CREB5: variants seen among roughly 807,000 people sequenced by gnomAD.
CREB5 encodes cAMP responsive element binding protein 5.
Under a neutral mutation model 57.1 loss-of-function variants are expected in CREB5, and 19 were observed. That is an observed-to-expected ratio of 0.33 (90% confidence interval 0.23 to 0.49). The LOEUF is 0.49. CREB5 is among the 20% of genes least tolerant of loss of function. The probability of loss-of-function intolerance (pLI) is 0.99; values close to 1 mark genes in which losing one functional copy is unlikely to be tolerated. For synonymous variants in CREB5, 238 were observed against 238.3 expected (o/e 1.00, Z 0.01); for missense variants, 579 against 671.6 (o/e 0.86, Z 1.52).
intron 1 of CREB5, among the ~76,000 whole-genome samples, chr7:28,422,466 T>C (rs765763776): frequency 5.3e-5 from 8 of 152,170 alleles, no homozygotes; most frequent in Non-Finnish European, 1.2e-4. Flanking sequence ...TTTTGGATTA[T>C]GAACACTTTA....
chr7:28,641,518 A>T (rs1798658447), intron 5 of CREB5, among the ~76,000 whole-genome samples: 1 of 152,106 alleles, frequency 6.6e-6, no homozygotes, highest in Non-Finnish European at 1.5e-5. Context: ...CTTCCAGGGT[A>T]TACTTGTTCC....
chr7:28,460,790 G>A (rs1045598339), intron 1 of CREB5, among the ~76,000 whole-genome samples: 6 of 152,086 alleles, frequency 3.9e-5, no homozygotes, highest in South Asian at 4.2e-4. Flanking sequence ...GTGAGGTGTC[G>A]GGGAGTTGTC....
intron 4 of CREB5, among the ~76,000 whole-genome samples, chr7:28,569,733 T>C (rs766128790): frequency 6.6e-6 from 1 of 152,284 alleles, no homozygotes; most frequent in African/African-American, 2.4e-5. Context: ...ACTCCATGCA[T>C]TGTGAGAGAT....
intron 5 of CREB5, among the ~76,000 whole-genome samples, chr7:28,640,911 G>A (rs931898259): frequency 1.3e-5 from 2 of 152,164 alleles, no homozygotes; most frequent in African/African-American, 4.8e-5. Context: ...TTTTCCCTGA[G>A]AGCCAGTGCT....
chr7:28,725,655 A>G (rs10229384), intron 7 of CREB5, among the ~76,000 whole-genome samples: 5,163 of 151,440 alleles, frequency 0.034, 124 homozygotes, highest in Non-Finnish European at 0.052. Context: ...TAAAAAAAAA[A>G]AAAAAAAGAA....
intron 4 of CREB5, among the ~76,000 whole-genome samples, chr7:28,550,717 T>C (rs768924459): frequency 2.0e-5 from 3 of 152,208 alleles, no homozygotes; most frequent in Non-Finnish European, 1.5e-5. Context: ...GTGAAGCCAA[T>C]GAGGTAATTT....
At chr7:28,668,550 CA>C (rs1480070415) in intron 5 of CREB5, among the ~76,000 whole-genome samples, 1 of 151,884 alleles carries the variant, frequency 6.6e-6, no homozygotes, top group Non-Finnish European at 1.5e-5. Context: ...TATGTTACAA[CA>C]AAAAATACTG....
intron 1 of CREB5, among the ~76,000 whole-genome samples, chr7:28,421,769 C>CTATATATATATA (rs151244858): frequency 1.7e-4 from 17 of 98,374 alleles, no homozygotes; most frequent in African/African-American, 4.3e-4. Flanking sequence ...TACACACACA[C>CTATATATATATA]TATATATATA....
chr7:28,822,289 G>A lies in CREB5; in HGVS notation c.*3010G>A, dbSNP rs1270065883. On this transcript the variant is annotated 3_prime_UTR_variant, in exon 11 of 11. Transcript: ENST00000357727. ...GAAATTCCAAACAGAAAGATACATT[G>A]GTCAAATCCAACACTTGGCTTATCA... The A allele has an allele frequency of 1.3e-5, 2 of 152,210 alleles. No homozygotes were observed. Among genetic ancestry groups the A allele is most frequent in the African/African-American group, 4.8e-5 (2 of 41,414 alleles). 9.4% of individuals were successfully genotyped at this position (152,210 alleles called of 1,614,324 possible). A position where few individuals can be genotyped will look rare whatever the true frequency, so the allele number is the denominator to read the frequency against.
chr7:28,401,510 C>T (rs1787463441), intron 1 of CREB5, among the ~76,000 whole-genome samples: 1 of 151,958 alleles, frequency 6.6e-6, no homozygotes, highest in South Asian at 2.1e-4. Flanking sequence ...GTGTGCTGCA[C>T]CCATTAACTC....
upstream of CREB5, among the ~76,000 whole-genome samples, chr7:28,411,373 T>TC (rs1787792167): frequency 6.6e-6 from 1 of 152,150 alleles, no homozygotes; most frequent in African/African-American, 2.4e-5. Flanking sequence ...AACCTAAACT[T>TC]CCATACAATA....
At chr7:28,683,241 T>C (rs1331807876) in intron 5 of CREB5, among the ~76,000 whole-genome samples, 2 of 152,156 alleles carry the variant, frequency 1.3e-5, no homozygotes, top group South Asian at 2.1e-4. Flanking sequence ...GAGGGGCATT[T>C]CTTTTTGGGA....
chr7:28,670,720 A>C (rs914185829), intron 5 of CREB5, among the ~76,000 whole-genome samples: 11 of 152,258 alleles, frequency 7.2e-5, no homozygotes, highest in African/African-American at 2.4e-4. Context: ...ACAAGTCAAA[A>C]CAAAGAAGTT....
chr7:28,471,024 A>G (rs1287165788), intron 1 of CREB5, among the ~76,000 whole-genome samples: 1 of 151,896 alleles, frequency 6.6e-6, no homozygotes, highest in Non-Finnish European at 1.5e-5. Context: ...CTATCCTTGG[A>G]TTGTCTTTTC....
chr7:28,412,801 C>T lies in CREB5; in HGVS notation c.-114C>T. 2 of 986,214 alleles carry T rather than the reference C, an allele frequency of 2.0e-6. No individual in the cohort carries two copies. Among genetic ancestry groups the T allele is most frequent in the East Asian group, 2.6e-5 (1 of 38,540 alleles). 61.1% of individuals were successfully genotyped at this position (986,214 alleles called of 1,614,324 possible). On this transcript the variant is annotated 5_prime_UTR_variant, in exon 1 of 11. Transcript: ENST00000357727. ...GAAATACTGAGGCAAATACTCAAGA[C>T]TTATTTTCTTCCTAATCTTGCTGGT...
At chr7:28,469,616 A>G (rs1217958207) in intron 1 of CREB5, among the ~76,000 whole-genome samples, 8 of 152,218 alleles carry the variant, frequency 5.3e-5, no homozygotes, top group Admixed American at 2.0e-4. Flanking sequence ...CCATATTTAC[A>G]TGATTATAGA....
At chr7:28,478,466 A>T (rs958503725) in intron 1 of CREB5, among the ~76,000 whole-genome samples, 5 of 152,168 alleles carry the variant, frequency 3.3e-5, no homozygotes, top group Non-Finnish European at 7.3e-5. Flanking sequence ...TCTTACTGAG[A>T]AGCTGGTTAA....
At chr7:28,702,027 A>G (rs561357748) in intron 5 of CREB5, among the ~76,000 whole-genome samples, 1 of 152,348 alleles carries the variant, frequency 6.6e-6, no homozygotes, top group African/African-American at 2.4e-5. Context: ...CATATTAAGA[A>G]AATGAATTTT....
intron 1 of CREB5, among the ~76,000 whole-genome samples, chr7:28,477,176 A>G (rs1253706472): frequency 6.6e-6 from 1 of 152,218 alleles, no homozygotes; most frequent in African/African-American, 2.4e-5. Context: ...GTAATCAATC[A>G]CTGTCCACAG....
Sources: gnomAD v4.1 joint callset for allele counts (sites outside exome capture counted in the v4.1 genomes callset) on GRCh38, gnomAD v4.1.1 for gene constraint, MANE v1.5 for transcripts, NCBI Gene and HGNC (gene_info 2026-07-23, HGNC 2026-07-21) for gene names.